Variants in SAMD12 observed in about 807,000 individuals in gnomAD.
SAMD12 encodes the protein sterile alpha motif domain-containing protein 12.
A neutral mutation model predicts 15.0 loss-of-function variants in SAMD12; 9 were observed. The observed-to-expected ratio is 0.60, with a 90% CI of 0.36 to 1.05. The LOEUF is 1.05. Ranked by LOEUF, SAMD12 falls within the 50% of genes least tolerant of loss-of-function variation. SAMD12 has a pLI of 0.01. For synonymous variants in SAMD12, 86 were observed against 90.1 expected, an observed-to-expected ratio of 0.96 and a Z score of 0.25; for missense variants, 230 against 234.2, an observed-to-expected ratio of 0.98 and a Z score of 0.12.
intron 2 of SAMD12, among the ~76,000 whole-genome samples, chr8:118,505,123 CTCTT>C (rs1162145393): frequency 1.3e-5 from 2 of 152,194 alleles, no homozygotes; most frequent in Admixed American, 6.5e-5. Context: ...CATGTGCTTC[CTCTT>C]TCTGTTTCTG....
the SAMD12 span, among the ~76,000 whole-genome samples, chr8:118,153,425 T>C: frequency 6.6e-6 from 1 of 152,204 alleles, no homozygotes; most frequent in East Asian, 1.9e-4. Flanking sequence ...CACTCTGTTT[T>C]TTGTGAAAGG....
chr8:118,304,028 C>G (rs1184429485), intron 4 of SAMD12, among the ~76,000 whole-genome samples: 1 of 152,152 alleles, frequency 6.6e-6, no homozygotes, highest in Non-Finnish European at 1.5e-5. Flanking sequence ...CACATGGTAC[C>G]CAGAAATCGA....
chr8:118,540,778 G>A (rs73708722), intron 2 of SAMD12, among the ~76,000 whole-genome samples: 2,381 of 152,182 alleles, frequency 0.016, 58 homozygotes, highest in African/African-American at 0.052. Context: ...TGCAAAGATT[G>A]GGTAGGAGCC....
chr8:118,165,617 TATATATATATATATATATAC>T, the SAMD12 span, among the ~76,000 whole-genome samples: 14 of 3,892 alleles, frequency 3.6e-3, no homozygotes, highest in Non-Finnish European at 0.039. Flanking sequence ...TATATATGTA[TATATATATATATATATATAC>T]ATATATATAT....
chr8:118,171,157 A>G, the SAMD12 span, among the ~76,000 whole-genome samples: 4 of 152,230 alleles, frequency 2.6e-5, no homozygotes, highest in South Asian at 2.1e-4. Flanking sequence ...GGCTATCGTG[A>G]AAAGGTTGCA....
At chr8:118,303,275 C>G (rs1348754647) in intron 4 of SAMD12, among the ~76,000 whole-genome samples, 1 of 152,188 alleles carries the variant, frequency 6.6e-6, no homozygotes, top group East Asian at 1.9e-4. Flanking sequence ...TCAGAGACAA[C>G]TTAAGCTGTG....
intron 2 of SAMD12, among the ~76,000 whole-genome samples, chr8:118,554,670 G>GTAT (rs1462198323): frequency 6.6e-6 from 1 of 150,924 alleles, no homozygotes; most frequent in Non-Finnish European, 1.5e-5. Flanking sequence ...AAAACTTAAA[G>GTAT]TATAATAATA....
At chr8:118,415,295 C>T (rs1444718528) in intron 3 of SAMD12, among the ~76,000 whole-genome samples, 1 of 152,136 alleles carries the variant, frequency 6.6e-6, no homozygotes. Context: ...CATCCAAGAT[C>T]TTTTCTTATT....
At chr8:118,194,298 AG>A (rs1819493740) in exon 5 of SAMD12, 1 of 152,096 alleles carries the variant, frequency 6.6e-6, no homozygotes, top group African/African-American at 2.4e-5. Flanking sequence ...AGGATTCCGG[AG>A]GTAGAAGTGA....
chr8:118,365,029 T>C (rs529771965), intron 4 of SAMD12, among the ~76,000 whole-genome samples: 131 of 152,340 alleles, frequency 8.6e-4, no homozygotes, highest in African/African-American at 2.7e-3. Context: ...CAGTCTATGA[T>C]TCACAACCCT....
At chr8:118,419,851 C>A (rs1821914773) in intron 3 of SAMD12, among the ~76,000 whole-genome samples, 1 of 152,162 alleles carries the variant, frequency 6.6e-6, no homozygotes, top group African/African-American at 2.4e-5. Context: ...AACATGTGAC[C>A]TTTTGAAACT....
At chr8:118,580,599 G>T in intron 2 of SAMD12, 116 bp downstream of exon 2, 2 of 703,768 alleles carry the variant, frequency 2.8e-6, no homozygotes, top group South Asian at 1.9e-5. Context: ...GTGCTCATTT[G>T]ACCACAGATA....
At chr8:118,153,147 G>T in the SAMD12 span, among the ~76,000 whole-genome samples, 2 of 152,220 alleles carry the variant, frequency 1.3e-5, no homozygotes, top group African/African-American at 2.4e-5. Flanking sequence ...CCACAACTCA[G>T]TGCCATAAAA....
At chr8:118,340,059 A>G (rs1817274037) in intron 4 of SAMD12, among the ~76,000 whole-genome samples, 1 of 152,220 alleles carries the variant, frequency 6.6e-6, no homozygotes, top group Non-Finnish European at 1.5e-5. Context: ...TCATTTATTC[A>G]ACAAACATTT....
intron 2 of SAMD12, among the ~76,000 whole-genome samples, chr8:118,568,359 T>C (rs1165291123): frequency 6.6e-6 from 1 of 152,138 alleles, no homozygotes; most frequent in Non-Finnish European, 1.5e-5. Flanking sequence ...TAGTAGCAGA[T>C]GACAGGAGGG....
chr8:118,378,263 G>A lies in SAMD12; in HGVS notation c.*1154C>T. ...TTCTTTTCACATTGCTGGACCTCTAGGTTGCTTGTAAATTTTCCGTTTTCC... is the reference window on the plus strand; with the variant it reads ...TTCTTTTCACATTGCTGGACCTCTAAGTTGCTTGTAAATTTTCCGTTTTCC... On this transcript the variant is annotated 3_prime_UTR_variant, in exon 4 of 4. Coordinates refer to ENST00000314727, the MANE Select transcript of SAMD12 (RefSeq NM_207506.3). The A allele has an allele frequency of 1.3e-5, 4 of 303,744 alleles. No homozygotes were observed. The highest frequency in any genetic ancestry group is 1.9e-5 in the Non-Finnish European group (4 of 207,216). The allele number at this position is 303,744 out of a possible 1,614,324, so 18.8% of individuals were successfully genotyped here. A position where few individuals can be genotyped will look rare whatever the true frequency, so the allele number is the denominator to read the frequency against.
chr8:118,363,318 A>G (rs182267276), intron 4 of SAMD12, among the ~76,000 whole-genome samples: 105 of 152,264 alleles, frequency 6.9e-4, no homozygotes, highest in Middle Eastern at 3.4e-3. Flanking sequence ...GGATGAGATT[A>G]ACATTAGAAT....
At chr8:118,346,862 T>G (rs1457379474) in intron 4 of SAMD12, among the ~76,000 whole-genome samples, 2 of 152,134 alleles carry the variant, frequency 1.3e-5, no homozygotes, top group Non-Finnish European at 2.9e-5. Flanking sequence ...ACAACACATG[T>G]GAAATGTCTA....
the SAMD12 span, among the ~76,000 whole-genome samples, chr8:118,161,435 C>T: frequency 1.3e-5 from 2 of 151,542 alleles, no homozygotes; most frequent in Non-Finnish European, 2.9e-5. Flanking sequence ...AAAAAATTAG[C>T]TGGGTGTGGT....
Sources: gnomAD v4.1 joint callset for allele counts (sites outside exome capture counted in the v4.1 genomes callset) on GRCh38, gnomAD v4.1.1 for gene constraint, MANE v1.5 for transcripts, NCBI Gene and HGNC (gene_info 2026-07-23, HGNC 2026-07-21) for gene names.